Variants in HRH4 observed in about 807,000 individuals in gnomAD.
HRH4 encodes the protein histamine H4 receptor.
HRH4 carries 12 observed loss-of-function variants against 10.4 expected under a neutral mutation model. The observed-to-expected ratio is 1.15, with a 90% CI of 0.74 to 1.87. HRH4 has a LOEUF of 1.87. Among genes scored for constraint, HRH4 ranks in the 40% most tolerant of loss-of-function variants. The probability of loss-of-function intolerance (pLI) is 0.00; values close to 1 mark genes in which losing one functional copy is unlikely to be tolerated. For synonymous variants in HRH4, 154 were observed against 166.6 expected, an observed-to-expected ratio of 0.92 and a Z score of 0.58; for missense variants, 415 against 453.3, an observed-to-expected ratio of 0.92 and a Z score of 0.77.
chr18:24,476,678 G>A, intron 2 of HRH4, 69 bp from the exon 3 acceptor site: 1 of 1,176,516 alleles, frequency 8.5e-7, no homozygotes, highest in Non-Finnish European at 1.2e-6. Flanking sequence ...AATTTCTAAG[G>A]ATCTATGAGA....
At chr18:24,463,652 A>G (rs1909697980) in intron 1 of HRH4, among the ~76,000 whole-genome samples, 1 of 152,152 alleles carries the variant, frequency 6.6e-6, no homozygotes, top group Non-Finnish European at 1.5e-5. Flanking sequence ...AGACCCTCAC[A>G]TGTGCTTGGA....
rs1313625908 is a variant in HRH4, at chr18:24,479,004, G to T, written c.*1442G>T. 1 of 152,220 alleles carries T rather than the reference G, an allele frequency of 6.6e-6. No individual in the cohort carries two copies. Among genetic ancestry groups the T allele is most frequent in the Non-Finnish European group, 1.5e-5 (1 of 68,062 alleles). The allele number at this position is 152,220 out of a possible 1,614,324, so 9.4% of individuals were successfully genotyped here. ...ATGATCAGGGATCACTGCAACCTCTGCCTCCTGGGTTCAAGCGATTCTTGT... is the reference window on the plus strand; with the variant it reads ...ATGATCAGGGATCACTGCAACCTCTTCCTCCTGGGTTCAAGCGATTCTTGT... On this transcript the variant is annotated 3_prime_UTR_variant, in exon 3 of 3. Transcript: ENST00000256906.
intron 1 of HRH4, among the ~76,000 whole-genome samples, chr18:24,466,686 G>T (rs1056907794): frequency 2.0e-5 from 3 of 152,038 alleles, no homozygotes; most frequent in Admixed American, 6.6e-5. Flanking sequence ...GAGAATGCAG[G>T]CTTTCCTTCT....
In HRH4 at chr18:24,479,581, T is replaced by C. The variant is rs530043704; in HGVS notation, c.*2019T>C. The C allele has an allele frequency of 6.6e-6, 1 of 152,230 alleles. No individual in the cohort carries two copies. The highest frequency in any genetic ancestry group is 1.5e-5 in the Non-Finnish European group (1 of 68,048). The allele number at this position is 152,230 out of a possible 1,614,324, so 9.4% of individuals were successfully genotyped here. On this transcript the variant is annotated 3_prime_UTR_variant, in exon 3 of 3. Coordinates refer to ENST00000256906, the MANE Select transcript of HRH4 (RefSeq NM_021624.4). Reference sequence around the variant, plus strand: ...TTCTTACGTCAGCCTCCAGAGTAGCTGGGACCGCAGGCACTTGCCACCACG... The same window carrying C: ...TTCTTACGTCAGCCTCCAGAGTAGCCGGGACCGCAGGCACTTGCCACCACG...
Position 24,477,516 on chromosome 18 carries a change from A to C in HRH4, c.1127A>C (p.Lys376Thr), listed in dbSNP as rs77041280. 24 of 1,605,600 alleles carry C rather than the reference A, an allele frequency of 1.5e-5. No homozygotes were observed. The East Asian group carries it at 5.1e-4, about 34-fold the overall frequency. ...GCTTTCTTGAAAATATTTTGTATAA[A>C]AAAGCAACCTCTACCATCACAACAC... Reference protein sequence around the residue: ...QKAFLKIFCIKKQPLPSQHSR... With the variant: ...QKAFLKIFCITKQPLPSQHSR... Residue 376 changes from lysine to threonine, a missense_variant, in exon 3 of 3, where the codon AAA becomes ACA. Transcript: ENST00000256906.
intron 1 of HRH4, among the ~76,000 whole-genome samples, chr18:24,467,753 A>C (rs1442904888): frequency 3.9e-5 from 6 of 152,144 alleles, no homozygotes; most frequent in Admixed American, 3.9e-4. Flanking sequence ...CATGTTGGGC[A>C]GGCTGGTCTT....
intron 2 of HRH4, among the ~76,000 whole-genome samples, chr18:24,473,019 G>A (rs1249064561): frequency 1.3e-5 from 2 of 152,122 alleles, no homozygotes; most frequent in African/African-American, 2.4e-5. Context: ...GCCAGGCTTG[G>A]TGGCGGGCGC....
chr18:24,475,138 C>A (rs1910102557), intron 2 of HRH4, among the ~76,000 whole-genome samples: 1 of 152,072 alleles, frequency 6.6e-6, no homozygotes, highest in Non-Finnish European at 1.5e-5. Context: ...ATTGTGGGTC[C>A]TGTGATGGGA....
chr18:24,475,789 C>T (rs1910117822), intron 2 of HRH4, among the ~76,000 whole-genome samples: 1 of 152,134 alleles, frequency 6.6e-6, no homozygotes, highest in African/African-American at 2.4e-5. Context: ...GGGCAGATCA[C>T]CTGAGGTCAG....
At chr18:24,469,120 T>G (rs577648874) in intron 2 of HRH4, among the ~76,000 whole-genome samples, 169 bp downstream of exon 2, 1 of 152,212 alleles carries the variant, frequency 6.6e-6, no homozygotes, top group Non-Finnish European at 1.5e-5. Context: ...TTAGTTTGTG[T>G]GACTTGGATA....
At chr18:24,463,635 G>A (rs117566093) in intron 1 of HRH4, among the ~76,000 whole-genome samples, 226 of 152,306 alleles carry the variant, frequency 1.5e-3, no homozygotes, top group Non-Finnish European at 2.7e-3. Flanking sequence ...CCATGGCAGG[G>A]CAGATTAGAC....
chr18:24,477,401 G>T lies in HRH4; in HGVS notation c.1012G>T (p.Val338Phe), dbSNP rs751132957. The T allele has an allele frequency of 5.0e-6, 8 of 1,614,120 alleles. No homozygotes were observed. The South Asian group carries it at 8.8e-5, about 18-fold the overall frequency. ...FYSSATGPKS[V>F]WYRIAFWLQW... is the part of the protein sequence containing the mutation. ...TTCCTCAGCAACAGGTCCTAAATCA[G>T]TTTGGTATAGAATTGCATTTTGGCT... is the stretch of plus-strand genomic sequence containing the variant. The change falls in exon 3 of 3, where the codon GTT becomes TTT. Residue 338 changes from valine (V) to phenylalanine (F), a missense_variant. Val to Phe is a conservative substitution (Grantham distance 50, BLOSUM62 -1). Transcript: ENST00000256906.
chr18:24,474,263 CA>C (rs5823428), intron 2 of HRH4, among the ~76,000 whole-genome samples: 3 of 148,916 alleles, frequency 2.0e-5, no homozygotes, highest in African/African-American at 4.9e-5. Flanking sequence ...AAGCAGAAGG[CA>C]AAAAAAAAAG....
chr18:24,464,731 C>A (rs2144366630), intron 1 of HRH4, among the ~76,000 whole-genome samples: 1 of 152,068 alleles, frequency 6.6e-6, no homozygotes, highest in East Asian at 1.9e-4. Context: ...ACAATTATTT[C>A]TTTTGAAGGA....
Position 24,477,347 on chromosome 18 carries a change from T to A in HRH4, c.958T>A (p.Ser320Thr). ...TTTTGCTGTTTGCTGGGCTCCATAT[T>A]CTCTGTTCACAATTGTCCTTTCATT... ...GVFAVCWAPY[S>T]LFTIVLSFYS... The change falls in exon 3 of 3, where the codon TCT becomes ACT. Residue 320 changes from serine to threonine, a missense_variant. By Grantham distance (58) the Ser-to-Thr change is moderately conservative. Coordinates refer to ENST00000256906, the MANE Select transcript of HRH4 (RefSeq NM_021624.4). 6.2e-7 allele frequency: 1 copy of A among 1,614,102 alleles called. No individual in the cohort carries two copies.
rs1217513853 is a variant in HRH4, at chr18:24,460,648, G to T, written c.-81G>T. ...TTGAGTGGAAGACTACACATTTTAG[G>T]TATGTGATTAGAAAACATACTTGTC... On this transcript the variant is annotated 5_prime_UTR_variant, in exon 1 of 3. Coordinates refer to ENST00000256906, the MANE Select transcript of HRH4 (RefSeq NM_021624.4). 11 of 806,334 alleles carry T rather than the reference G, an allele frequency of 1.4e-5. No homozygotes were observed. Among genetic ancestry groups the T allele is most frequent in the Admixed American group, 2.7e-5 (1 of 36,628 alleles). 49.9% of individuals were successfully genotyped at this position (806,334 alleles called of 1,614,324 possible).
In HRH4 at chr18:24,477,066, A is replaced by C. The variant is rs773536345; in HGVS notation, c.677A>C (p.His226Pro). The change falls in exon 3 of 3, where the codon CAC becomes CCC. Residue 226 changes from histidine to proline, a missense_variant. Coordinates refer to ENST00000256906, the MANE Select transcript of HRH4 (RefSeq NM_021624.4). ...LTAVSSNICGHSFRGRLSSRR... is the reference protein window; with the variant it reads ...LTAVSSNICGPSFRGRLSSRR... The stretch of plus-strand genomic sequence containing the variant: ...GCTGTCTCTTCCAACATCTGTGGAC[A>C]CTCATTCAGAGGTAGACTATCTTCA... 1 of 1,614,178 alleles carries C rather than the reference A, an allele frequency of 6.2e-7. No homozygotes were observed. The highest frequency in any genetic ancestry group is 8.5e-7 in the Non-Finnish European group (1 of 1,180,032).
rs975242647 is a variant in HRH4 at position 24,468,958 on chromosome 18, C to T, written c.357+7C>T. The T allele has an allele frequency of 1.7e-5, 27 of 1,582,278 alleles. No individual in the cohort carries two copies. The highest frequency in any genetic ancestry group is 4.1e-5 in the African/African-American group (3 of 73,504). On this transcript the variant is annotated splice_region_variant and intron_variant, in intron 2 of 2. Transcript: ENST00000256906. ...CCTGTCAGTCTCAAATGCTGTAAGT[C>T]GAAACATTAATTTATCCCCCTTAGA...
At chr18:24,465,906 C>G (rs1028056051) in intron 1 of HRH4, among the ~76,000 whole-genome samples, 9 of 152,136 alleles carry the variant, frequency 5.9e-5, no homozygotes, top group African/African-American at 2.2e-4. Flanking sequence ...ACCCCCTGCC[C>G]TGAACCTCTC....
Sources: gnomAD v4.1 joint callset for allele counts (sites outside exome capture counted in the v4.1 genomes callset) on GRCh38, gnomAD v4.1.1 for gene constraint, MANE v1.5 for transcripts, NCBI Gene and HGNC (gene_info 2026-07-23, HGNC 2026-07-21) for gene names.